MCC: variants seen among roughly 807,000 people sequenced by gnomAD.
MCC encodes the protein colorectal mutant cancer protein.
MCC carries 90 observed loss-of-function variants against 116.2 expected under a neutral mutation model. That is an observed-to-expected ratio of 0.77 (90% CI 0.65 to 0.92). MCC has a LOEUF of 0.92. Among genes scored for constraint, MCC ranks in the 40% least tolerant of loss-of-function variants. The pLI is 0.00. For missense variants in MCC, 1,516 were observed against 1,312.2 expected (o/e 1.16, Z -2.40); for synonymous variants, 578 against 510.5 (o/e 1.13, Z -1.78).
intron 1 of MCC, among the ~76,000 whole-genome samples, chr5:113,487,549 G>T (rs969323049): frequency 2.0e-5 from 3 of 152,268 alleles, no homozygotes; most frequent in African/African-American, 7.2e-5. Context: ...AAGTTTGTTT[G>T]TGAGTGGAGG....
At chr5:113,309,049 A>T (rs1014784457) in intron 3 of MCC, among the ~76,000 whole-genome samples, 2 of 152,196 alleles carry the variant, frequency 1.3e-5, no homozygotes, top group Non-Finnish European at 2.9e-5. Flanking sequence ...TCAAATAATA[A>T]ATCTCTTTAT....
intron 1 of MCC, among the ~76,000 whole-genome samples, chr5:113,482,204 C>G (rs1279575006): frequency 1.3e-5 from 2 of 152,168 alleles, no homozygotes; most frequent in African/African-American, 2.4e-5. Flanking sequence ...CTATTATAAA[C>G]AATGTTGTTA....
intron 3 of MCC, among the ~76,000 whole-genome samples, chr5:113,309,365 C>T (rs576331226): frequency 6.6e-6 from 1 of 152,248 alleles, no homozygotes; most frequent in East Asian, 1.9e-4. Flanking sequence ...CACTGAGTCT[C>T]CCATGTCCAC....
intron 3 of MCC, among the ~76,000 whole-genome samples, chr5:113,163,170 C>T (rs751798258): frequency 2.0e-5 from 3 of 152,024 alleles, no homozygotes; most frequent in Non-Finnish European, 4.4e-5. Context: ...AAGAACCAAG[C>T]GGGACATACA....
At chr5:113,127,790 GT>G (rs1345186942) in intron 5 of MCC, among the ~76,000 whole-genome samples, 3 of 152,274 alleles carry the variant, frequency 2.0e-5, no homozygotes. Flanking sequence ...CATTGTGTAA[GT>G]TGTCTGTTTA....
intron 16 of MCC, among the ~76,000 whole-genome samples, chr5:113,046,374 T>C (rs973365425): frequency 6.6e-6 from 1 of 151,938 alleles, no homozygotes; most frequent in African/African-American, 2.4e-5. Context: ...GTATTTTTAG[T>C]AGAGATGGGG....
At chr5:113,240,165 C>T (rs533986485) in intron 3 of MCC, among the ~76,000 whole-genome samples, 13 of 152,134 alleles carry the variant, frequency 8.5e-5, no homozygotes, top group African/African-American at 3.1e-4. Flanking sequence ...TTCTGTGTGA[C>T]TGCATAGGGA....
intron 11 of MCC, among the ~76,000 whole-genome samples, chr5:113,075,105 G>A (rs1335605654): frequency 6.6e-6 from 1 of 152,220 alleles, no homozygotes; most frequent in African/African-American, 2.4e-5. Context: ...AGCTCAGCAT[G>A]GGCTCACCAG....
chr5:113,482,985 C>G (rs960498099), intron 1 of MCC, among the ~76,000 whole-genome samples: 2 of 152,088 alleles, frequency 1.3e-5, no homozygotes, highest in African/African-American at 4.8e-5. Flanking sequence ...CCAGTTGTCC[C>G]CATATCATTT....
At chr5:113,175,986 C>T (rs550586585) in intron 3 of MCC, among the ~76,000 whole-genome samples, 11 of 152,194 alleles carry the variant, frequency 7.2e-5, no homozygotes, top group South Asian at 2.1e-4. Context: ...AGGGAAAAAA[C>T]ACTTTCTCTC....
At chr5:113,056,169 A>G (rs1752821277) in intron 14 of MCC, among the ~76,000 whole-genome samples, 1 of 152,188 alleles carries the variant, frequency 6.6e-6, no homozygotes, top group South Asian at 2.1e-4. Context: ...TGCTACCTTT[A>G]CGTGTGACCC....
intron 3 of MCC, among the ~76,000 whole-genome samples, chr5:113,186,021 G>A (rs1165732676): frequency 6.6e-6 from 1 of 151,872 alleles, no homozygotes; most frequent in East Asian, 1.9e-4. Context: ...TTTTTTTTAA[G>A]TGCAATGACA....
intron 3 of MCC, among the ~76,000 whole-genome samples, chr5:113,280,117 T>A (rs1765984948): frequency 6.6e-6 from 1 of 152,208 alleles, no homozygotes; most frequent in Non-Finnish European, 1.5e-5. Flanking sequence ...CAGAGCCAAG[T>A]TCAGATACTC....
intron 2 of MCC, among the ~76,000 whole-genome samples, chr5:113,362,933 TAAAA>T (rs1044799110): frequency 2.0e-5 from 3 of 152,112 alleles, no homozygotes; most frequent in Non-Finnish European, 4.4e-5. Flanking sequence ...TATGTTATGT[TAAAA>T]ACTTCCTGAC....
intron 14 of MCC, among the ~76,000 whole-genome samples, chr5:113,056,041 C>G (rs988414611): frequency 2.0e-5 from 3 of 152,170 alleles, no homozygotes; most frequent in African/African-American, 7.2e-5. Flanking sequence ...TCACTGTTTG[C>G]GATTTACTAG....
At chr5:113,244,453 G>A (rs995831879) in intron 3 of MCC, among the ~76,000 whole-genome samples, 5 of 152,220 alleles carry the variant, frequency 3.3e-5, no homozygotes, top group African/African-American at 1.2e-4. Context: ...GAATGAGAAT[G>A]TGTTTAACAT....
chr5:113,167,509 G>C (rs1026799686), intron 3 of MCC, among the ~76,000 whole-genome samples: 3 of 152,268 alleles, frequency 2.0e-5, no homozygotes, highest in African/African-American at 2.4e-5. Flanking sequence ...GAGTGAAAAA[G>C]GGAAAGAGAA....
At position 113,404,615 on chromosome 5, in the gene MCC, G is replaced by A. The variant is rs1769781751; in HGVS notation, c.171-19403C>T. Among the ~76,000 whole-genome samples, 3 of 152,298 alleles carry A rather than the reference G, an allele frequency of 2.0e-5. No homozygotes were observed. In the South Asian group the frequency reaches 6.2e-4, roughly 32 times the overall value. The stretch of plus-strand genomic sequence containing the variant: ...TCCATTTCTAGAAATGTATCCTAGG[G>A]ATATGTTGATGACTGAACAGAGTTA... On this transcript the variant is annotated intron_variant, in intron 1 of 18. Coordinates refer to ENST00000408903, the MANE Select transcript of MCC (RefSeq NM_001085377.2).
chr5:113,415,341 G>T (rs1477193899), intron 1 of MCC, among the ~76,000 whole-genome samples: 1 of 152,136 alleles, frequency 6.6e-6, no homozygotes, highest in Non-Finnish European at 1.5e-5. Flanking sequence ...AAGCTCTCCT[G>T]GATAATATCC....
Sources: allele counts gnomAD v4.1 joint callset (sites outside exome capture counted in the v4.1 genomes callset), GRCh38; gene constraint gnomAD v4.1.1; transcripts MANE v1.5; gene names NCBI Gene and HGNC (gene_info 2026-07-23, HGNC 2026-07-21).